The following RASGEF1B variants were observed in gnomAD, a reference collection of about 807,000 sequenced individuals.
RASGEF1B encodes the protein RasGEF domain family member 1B.
RASGEF1B carries 30 observed loss-of-function variants against 65.7 expected under a neutral mutation model. The observed-to-expected ratio is 0.46, with a 90% CI of 0.34 to 0.62. The LOEUF is 0.62. RASGEF1B is among the 20% of genes least tolerant of loss of function. RASGEF1B has a pLI of 0.01. For synonymous variants in RASGEF1B, 175 were observed against 194.8 expected, an observed-to-expected ratio of 0.90 and a Z score of 0.85; for missense variants, 495 against 580.1, an observed-to-expected ratio of 0.85 and a Z score of 1.51.
rs72876523 is a variant in RASGEF1B at position 81,445,823 on chromosome 4, G to C, written c.745C>G (p.Arg249Gly). 1 of 1,613,334 alleles carries C rather than the reference G, an allele frequency of 6.2e-7. No homozygotes were observed. The highest frequency in any genetic ancestry group is 8.5e-7 in the Non-Finnish European group (1 of 1,179,422). Residue 249 changes from arginine to glycine, a missense_variant, in exon 7 of 14, where the codon CGG becomes GGG. Transcript: ENST00000264400. ...LDNDKSCYSE[R>G]KKTRNLEAYV... ...GCTTCTAAGTTTCGTGTTTTCTTCC[G>C]TTCACTGTAGCAACTCTTTAGAGAA...
intron 1 of RASGEF1B, among the ~76,000 whole-genome samples, chr4:81,459,781 A>T (rs538307759): frequency 6.6e-6 from 1 of 152,184 alleles, no homozygotes; most frequent in Non-Finnish European, 1.5e-5. Flanking sequence ...CTTAAACTCA[A>T]GTCTCTGGCT....
intron 10 of RASGEF1B, among the ~76,000 whole-genome samples, chr4:81,438,406 T>A (rs1181536232): frequency 6.6e-6 from 1 of 152,196 alleles, no homozygotes; most frequent in Non-Finnish European, 1.5e-5. Flanking sequence ...CGCCTCAGCC[T>A]CCCAAAGTGC....
chr4:81,432,442 G>T, intron 12 of RASGEF1B, 71 bp from the exon 13 acceptor site: 3 of 962,734 alleles, frequency 3.1e-6, no homozygotes, highest in Non-Finnish European at 5.0e-6. Flanking sequence ...CACCACCCTT[G>T]TTCGACTTGA....
intron 2 of RASGEF1B, chr4:81,459,096 C>T (rs561035548): frequency 5.7e-5 from 24 of 418,836 alleles, no homozygotes; most frequent in Non-Finnish European, 5.5e-5. Context: ...TGGTATCAGA[C>T]CATCTACAAT....
intron 13 of RASGEF1B, among the ~76,000 whole-genome samples, chr4:81,431,439 T>C (rs1004492560): frequency 4.6e-5 from 7 of 152,056 alleles, no homozygotes; most frequent in Admixed American, 1.3e-4. Context: ...AGGATAAGAA[T>C]TCCAATGCCT....
chr4:81,448,773 T>C (rs1294350023), intron 4 of RASGEF1B, among the ~76,000 whole-genome samples: 2 of 152,098 alleles, frequency 1.3e-5, no homozygotes, highest in Admixed American at 6.6e-5. Context: ...AAATATACCA[T>C]TGCTTCCAAC....
chr4:81,433,183 C>T (rs1358260121), intron 12 of RASGEF1B, among the ~76,000 whole-genome samples: 2 of 150,374 alleles, frequency 1.3e-5, no homozygotes, highest in Admixed American at 6.6e-5. Context: ...GAGCTGTGAT[C>T]GTGCCACTGC....
chr4:81,463,078 T>C (rs1433526881), intron 1 of RASGEF1B, among the ~76,000 whole-genome samples: 1 of 152,240 alleles, frequency 6.6e-6, no homozygotes, highest in Non-Finnish European at 1.5e-5. Flanking sequence ...TTCTTTGAAC[T>C]TCTAAAGTTT....
At chr4:81,466,361 T>G (rs908533295) in intron 1 of RASGEF1B, among the ~76,000 whole-genome samples, 2 of 152,166 alleles carry the variant, frequency 1.3e-5, no homozygotes, top group African/African-American at 4.8e-5. Context: ...ATACAAAGAT[T>G]GACTGCACCT....
chr4:81,451,791 T>C (rs1206712918), intron 4 of RASGEF1B: 1 of 152,270 alleles, frequency 6.6e-6, no homozygotes, highest in East Asian at 1.9e-4. Context: ...TTTATTATTC[T>C]ATGCCTCAGC....
intron 10 of RASGEF1B, among the ~76,000 whole-genome samples, chr4:81,434,998 A>G (rs976271995): frequency 1.3e-5 from 2 of 152,116 alleles, no homozygotes; most frequent in Non-Finnish European, 2.9e-5. Context: ...AATTTTTCCT[A>G]TTTTTCTCAT....
At position 81,447,510 on chromosome 4, in the gene RASGEF1B, A is replaced by G. The variant is rs1722071150; in HGVS notation, c.723T>C (p.Asn241=). The change falls in exon 6 of 14, where the codon AAT becomes AAC. Residue 241 remains asparagine, a synonymous_variant. Coordinates refer to ENST00000264400, the MANE Select transcript of RASGEF1B (RefSeq NM_152545.3). ...QAFVQKDPLD[N]DKSCYSERKK... ...CTTTGGGTAGACTGATTACCTTGTC[A>G]TTATCCAAAGGGTCCTTCTGCACGA... 1.2e-6 allele frequency: 2 copies of G among 1,613,430 alleles called. No homozygotes were observed. The highest frequency in any genetic ancestry group is 4.5e-5 in the East Asian group (2 of 44,864).
intron 10 of RASGEF1B, among the ~76,000 whole-genome samples, chr4:81,435,686 A>G (rs888828341): frequency 2.0e-5 from 3 of 148,196 alleles, no homozygotes; most frequent in African/African-American, 7.5e-5. Context: ...CGTGTTAGCC[A>G]GGATGGTCTC....
At chr4:81,434,574 C>A in intron 11 of RASGEF1B, 65 bp downstream of exon 11, 2 of 882,668 alleles carry the variant, frequency 2.3e-6, no homozygotes, top group South Asian at 2.7e-5. Flanking sequence ...GCCAGGAATG[C>A]GGTGCTGGAG....
intron 1 of RASGEF1B, among the ~76,000 whole-genome samples, chr4:81,468,065 G>A (rs1722908716): frequency 6.6e-6 from 1 of 152,102 alleles, no homozygotes; most frequent in African/African-American, 2.4e-5. Flanking sequence ...ATTCCCATAT[G>A]ACTAGTGGCT....
intron 13 of RASGEF1B, among the ~76,000 whole-genome samples, chr4:81,432,020 A>T (rs1017769000): frequency 6.6e-6 from 1 of 152,064 alleles, no homozygotes; most frequent in Non-Finnish European, 1.5e-5. Flanking sequence ...AAGTCAATGC[A>T]TTTTTTTTAA....
At chr4:81,466,617 G>C (rs965428877) in intron 1 of RASGEF1B, among the ~76,000 whole-genome samples, 1 of 151,688 alleles carries the variant, frequency 6.6e-6, no homozygotes, top group Non-Finnish European at 1.5e-5. Context: ...AAATTAGCTG[G>C]GCGTGGTGGC....
At chr4:81,466,550 C>A (rs186792816) in intron 1 of RASGEF1B, among the ~76,000 whole-genome samples, 2 of 151,812 alleles carry the variant, frequency 1.3e-5, no homozygotes, top group Non-Finnish European at 2.9e-5. Flanking sequence ...ACAAAGTCAG[C>A]AGATCGAGAC....
At chr4:81,454,844 G>A (rs1009909751) in intron 4 of RASGEF1B, 2 of 152,062 alleles carry the variant, frequency 1.3e-5, no homozygotes, top group Non-Finnish European at 2.9e-5. Flanking sequence ...ACATAATACA[G>A]GAAAGCCCAT....
Sources: allele counts gnomAD v4.1 joint callset (sites outside exome capture counted in the v4.1 genomes callset), GRCh38; gene constraint gnomAD v4.1.1; transcripts MANE v1.5; gene names NCBI Gene and HGNC (gene_info 2026-07-23, HGNC 2026-07-21).